Variants in PHACTR3 observed in about 807,000 individuals in gnomAD.
The protein encoded by PHACTR3 is protein phosphatase 1, regulatory subunit 123.
In PHACTR3, 16 loss-of-function variants were observed where a neutral mutation model predicts 66.8. The observed-to-expected ratio is 0.24, with a 90% CI of 0.16 to 0.36. The LOEUF is 0.36. Among genes scored for constraint, PHACTR3 ranks in the 10% least tolerant of loss-of-function variants. The pLI is 1.00. For missense variants in PHACTR3, 647 were observed against 719.9 expected (o/e 0.90, Z 1.16); for synonymous variants, 323 against 292.1 (o/e 1.11, Z -1.08).
In PHACTR3 at chr20:59,655,077, A is replaced by T. The variant is rs142216316; in HGVS notation, c.118+49945A>T. The stretch of plus-strand genomic sequence containing the variant: ...TTTTGCGGATCTATGTTTTTATTTT[A>T]ATTGTGTAAATTATAAAAGTGAAAT... On this transcript the variant is annotated intron_variant, in intron 1 of 12. Coordinates refer to ENST00000371015, the MANE Select transcript of PHACTR3 (RefSeq NM_080672.5). 8.7e-3 allele frequency among the ~76,000 whole-genome samples: 1,319 copies of T among 152,080 alleles called. 20 individuals are homozygous for T. Among genetic ancestry groups the T allele is most frequent in the African/African-American group, 0.03 (1,239 of 41,522 alleles).
In PHACTR3 at chr20:59,594,235, C is replaced by G. The variant is rs149755441; in HGVS notation, c.109+16618C>G. 6.6e-4 allele frequency among the ~76,000 whole-genome samples: 100 copies of G among 152,026 alleles called. 1 individual carries two copies. Among genetic ancestry groups the G allele is most frequent in the Admixed American group, 9.2e-4 (14 of 15,280 alleles). Reference sequence around the variant, plus strand: ...GTATTTTATTTTTGGGGGTGACTTGCTCATTGCTGGTTTATAGAAAGAGAT... The same window carrying G: ...GTATTTTATTTTTGGGGGTGACTTGGTCATTGCTGGTTTATAGAAAGAGAT... On this transcript the variant is annotated intron_variant, in intron 1 of 12. Transcript: ENST00000359926.
intron 1 of PHACTR3, among the ~76,000 whole-genome samples, chr20:59,654,031 G>T (rs1443033644): frequency 6.6e-6 from 1 of 152,130 alleles, no homozygotes. Flanking sequence ...TGAGATGATT[G>T]CAAAAGAATT....
intron 8 of PHACTR3, among the ~76,000 whole-genome samples, chr20:59,807,097 A>G (rs2041593567): frequency 6.6e-6 from 1 of 152,252 alleles, no homozygotes; most frequent in South Asian, 2.1e-4. Flanking sequence ...GAATCACTGC[A>G]CACTTAGGCT....
At chr20:59,582,929 GC>G (rs2032904348) in intron 1 of PHACTR3, among the ~76,000 whole-genome samples, 1 of 151,596 alleles carries the variant, frequency 6.6e-6, no homozygotes, top group East Asian at 1.9e-4. Flanking sequence ...AATGTATCCA[GC>G]TTTTTTTTTG....
At chr20:59,660,400 A>G (rs1775881220) in intron 1 of PHACTR3, among the ~76,000 whole-genome samples, 1 of 152,256 alleles carries the variant, frequency 6.6e-6, no homozygotes, top group Admixed American at 6.5e-5. Flanking sequence ...AGGCTGAGGC[A>G]GGAGAATGGC....
chr20:59,819,964 T>C (rs927940810), intron 8 of PHACTR3, among the ~76,000 whole-genome samples: 3 of 152,246 alleles, frequency 2.0e-5, no homozygotes, highest in Admixed American at 2.0e-4. Context: ...TTTAGCAATT[T>C]ATGATTTTCT....
chr20:59,815,332 C>T (rs1486195682), intron 8 of PHACTR3, among the ~76,000 whole-genome samples: 2 of 151,636 alleles, frequency 1.3e-5, no homozygotes, highest in Non-Finnish European at 2.9e-5. Flanking sequence ...CAGGATCGTT[C>T]TTGATCAAAA....
At chr20:59,828,388 G>T (rs113251946) in intron 8 of PHACTR3, among the ~76,000 whole-genome samples, 1 of 152,230 alleles carries the variant, frequency 6.6e-6, no homozygotes, top group Non-Finnish European at 1.5e-5. Flanking sequence ...CATTGGCATT[G>T]TGTGCTGTGT....
chr20:59,776,530 G>A (rs2040544034), intron 7 of PHACTR3, among the ~76,000 whole-genome samples: 1 of 151,984 alleles, frequency 6.6e-6, no homozygotes, highest in African/African-American at 2.4e-5. Context: ...CCCTGGGGAG[G>A]ACAGCCCCTG....
intron 4 of PHACTR3, among the ~76,000 whole-genome samples, chr20:59,761,453 C>G (rs1036700940): frequency 2.0e-5 from 3 of 152,176 alleles, no homozygotes; most frequent in African/African-American, 7.2e-5. Context: ...GTGACCATGG[C>G]TCACCACATC....
intron 8 of PHACTR3, among the ~76,000 whole-genome samples, chr20:59,807,174 C>T (rs935889540): frequency 1.3e-5 from 2 of 152,164 alleles, no homozygotes; most frequent in African/African-American, 2.4e-5. Context: ...CTTTAACTTT[C>T]GGACTCTTAT....
intron 1 of PHACTR3, among the ~76,000 whole-genome samples, chr20:59,715,334 G>A (rs1402781988): frequency 6.6e-6 from 1 of 152,110 alleles, no homozygotes; most frequent in Non-Finnish European, 1.5e-5. Flanking sequence ...CTAATCATAA[G>A]TGTGTTAGGA....
intron 1 of PHACTR3, among the ~76,000 whole-genome samples, chr20:59,655,412 C>G (rs569885987): frequency 1.3e-5 from 2 of 152,038 alleles, no homozygotes; most frequent in African/African-American, 4.8e-5. Flanking sequence ...AGGAGTTTGT[C>G]CATTTCATCT....
At chr20:59,747,990 T>C (rs1478392031) in intron 3 of PHACTR3, among the ~76,000 whole-genome samples, 155 bp downstream of exon 3, 1 of 152,140 alleles carries the variant, frequency 6.6e-6, no homozygotes. Context: ...ACACCCCATG[T>C]CAGGAGCCAT....
chr20:59,782,099 T>C (rs866776005), intron 7 of PHACTR3, among the ~76,000 whole-genome samples: 1 of 152,178 alleles, frequency 6.6e-6, no homozygotes, highest in Non-Finnish European at 1.5e-5. Flanking sequence ...AAAGCTGATG[T>C]TCACCATAAA....
chr20:59,746,730 A>C (rs1270944914), intron 2 of PHACTR3, among the ~76,000 whole-genome samples: 1 of 152,222 alleles, frequency 6.6e-6, no homozygotes, highest in Non-Finnish European at 1.5e-5. Flanking sequence ...CCCCCTGCAC[A>C]CACAGAACAC....
intron 1 of PHACTR3, among the ~76,000 whole-genome samples, chr20:59,629,336 C>A (rs1026111953): frequency 2.6e-5 from 4 of 152,236 alleles, no homozygotes; most frequent in African/African-American, 7.2e-5. Flanking sequence ...CCCAGGAAGG[C>A]CCTGGCTGCC....
At position 59,847,132 on chromosome 20, in the gene PHACTR3, G is replaced by A. The variant is rs766494401; in HGVS notation, c.*2G>A. On this transcript the variant is annotated 3_prime_UTR_variant, in exon 13 of 13. Coordinates refer to ENST00000371015, the MANE Select transcript of PHACTR3 (RefSeq NM_080672.5). The stretch of plus-strand genomic sequence containing the variant: ...ATCTCTAGATTCCACAGGCCATAGA[G>A]ATTTTCTTCTGAGAAGAATTTGTGT... 2.0e-6 allele frequency: 3 copies of A among 1,519,128 alleles called. No homozygotes were observed. The highest frequency in any genetic ancestry group is 2.7e-6 in the Non-Finnish European group (3 of 1,100,068). 94.1% of individuals were successfully genotyped at this position (1,519,128 alleles called of 1,614,324 possible). A position where few individuals can be genotyped will look rare whatever the true frequency, so the allele number is the denominator to read the frequency against.
intron 1 of PHACTR3, among the ~76,000 whole-genome samples, chr20:59,605,799 A>G (rs899528914): frequency 7.9e-6 from 1 of 126,996 alleles, no homozygotes; most frequent in African/African-American, 3.0e-5. Flanking sequence ...AGGCGTCTAT[A>G]GGGCTTGATT....
Sources: gnomAD v4.1 joint callset for allele counts (sites outside exome capture counted in the v4.1 genomes callset) on GRCh38, gnomAD v4.1.1 for gene constraint, MANE v1.5 for transcripts, NCBI Gene and HGNC (gene_info 2026-07-23, HGNC 2026-07-21) for gene names.